Variants in TSHZ2 observed in about 807,000 individuals in gnomAD.
TSHZ2 encodes teashirt zinc finger homeobox 2.
A neutral mutation model predicts 74.4 loss-of-function variants in TSHZ2; 21 were observed. The ratio of observed to expected loss-of-function variants is 0.28; its 90% CI spans 0.20 to 0.41. The LOEUF (loss-of-function observed/expected upper bound fraction) is 0.41. Ranked by LOEUF, TSHZ2 falls within the 10% of genes least tolerant of loss-of-function variation. The probability of loss-of-function intolerance (pLI) is 1.00; values close to 1 mark genes in which losing one functional copy is unlikely to be tolerated. For missense variants in TSHZ2, 1,244 were observed against 1,293.5 expected (o/e 0.96, Z 0.59); for synonymous variants, 540 against 515.3 (o/e 1.05, Z -0.65).
chr20:53,387,403 A>T (rs1439122972), intron 2 of TSHZ2, among the ~76,000 whole-genome samples: 1 of 152,200 alleles, frequency 6.6e-6, no homozygotes, highest in Non-Finnish European at 1.5e-5. Context: ...TTCTTTGAAG[A>T]TGGTTTCCAC....
Position 53,187,996 on chromosome 20 carries a change from G to A in TSHZ2, c.41-65503G>A, listed in dbSNP as rs577617928. On this transcript the variant is annotated intron_variant, in intron 1 of 2. Coordinates refer to ENST00000371497, the MANE Select transcript of TSHZ2 (RefSeq NM_173485.6). ...ATTAGAACCCTCAGAAATGTGGCACGAAGCAAGTCTGGAAGACTTTCTGTT... is the reference window on the plus strand; with the variant it reads ...ATTAGAACCCTCAGAAATGTGGCACAAAGCAAGTCTGGAAGACTTTCTGTT... Among the ~76,000 whole-genome samples the A allele has an allele frequency of 4.6e-5, 7 of 152,192 alleles. No homozygotes were observed. In the South Asian group the frequency reaches 6.2e-4, roughly 14 times the overall value.
chr20:53,321,701 G>GAAAA (rs1555850311), intron 2 of TSHZ2, among the ~76,000 whole-genome samples: 1 of 54,416 alleles, frequency 1.8e-5, no homozygotes, highest in African/African-American at 7.4e-5. Flanking sequence ...AAAAAAAAAA[G>GAAAA]AAAGACATTC....
intron 2 of TSHZ2, among the ~76,000 whole-genome samples, chr20:53,341,747 G>C (rs1400788425): frequency 6.6e-6 from 1 of 152,122 alleles, no homozygotes; most frequent in Non-Finnish European, 1.5e-5. Flanking sequence ...GAGCTGCTCT[G>C]TTGCCCAGGC....
intron 1 of TSHZ2, among the ~76,000 whole-genome samples, chr20:53,236,457 A>T (rs1241750102): frequency 6.6e-6 from 1 of 152,252 alleles, no homozygotes; most frequent in Non-Finnish European, 1.5e-5. Context: ...GTCTAGGAAC[A>T]CACATTGCAT....
chr20:53,253,747 A>C lies in TSHZ2; in HGVS notation c.289A>C (p.Ser97Arg). Residue 97 changes from serine to arginine, a missense_variant, in exon 2 of 3, where the codon AGT becomes CGT. Physicochemically the swap from Ser to Arg is moderately radical, Grantham distance 110. Coordinates refer to ENST00000371497, the MANE Select transcript of TSHZ2 (RefSeq NM_173485.6). ...DASDQVSDIK[S>R]VCGRDASDKK... is the part of the protein sequence containing the mutation. The stretch of plus-strand genomic sequence containing the variant: ...CAGTGATCAGGTGTCGGACATCAAG[A>C]GTGTCTGCGGCAGAGATGCCTCAGA... The C allele has an allele frequency of 6.2e-7, 1 of 1,614,192 alleles. No individual in the cohort carries two copies. Among genetic ancestry groups the C allele is most frequent in the Non-Finnish European group, 8.5e-7 (1 of 1,180,032 alleles).
At chr20:53,040,090 G>T (rs1362801058) in intron 1 of TSHZ2, among the ~76,000 whole-genome samples, 1 of 152,138 alleles carries the variant, frequency 6.6e-6, no homozygotes, top group Non-Finnish European at 1.5e-5. Flanking sequence ...TGGAGACAGA[G>T]CAAGACTCCG....
chr20:52,976,049 G>A lies in TSHZ2; in HGVS notation c.40+2716G>A, dbSNP rs565032276. On this transcript the variant is annotated intron_variant, in intron 1 of 2. Coordinates refer to ENST00000371497, the MANE Select transcript of TSHZ2 (RefSeq NM_173485.6). ...GGATCCGAGCTGAGGCTCTCCCGGA[G>A]CGCTCTTTTTCCCAAGAACTGTTCC... Among the ~76,000 whole-genome samples the A allele has an allele frequency of 1.2e-4, 19 of 152,314 alleles. No homozygotes were observed. The South Asian group carries it at 3.7e-3, about 30-fold the overall frequency.
rs548008804 is a variant in TSHZ2, at chr20:53,291,199, C to T, written c.*8+34628C>T. On this transcript the variant is annotated intron_variant, in intron 2 of 2. Transcript: ENST00000371497. ...AAAAATATCAAGAGCAGGCTGGGAG[C>T]GGTGGCTCACGCCTGTAATCCCAGC... is the stretch of plus-strand genomic sequence containing the variant. Among the ~76,000 whole-genome samples, 10 of 152,154 alleles carry T rather than the reference C, an allele frequency of 6.6e-5. No individual in the cohort carries two copies. In the South Asian group the frequency reaches 1.2e-3, roughly 19 times the overall value.
At chr20:52,998,487 G>A (rs191748798) in intron 1 of TSHZ2, among the ~76,000 whole-genome samples, 2 of 152,206 alleles carry the variant, frequency 1.3e-5, no homozygotes, top group East Asian at 3.9e-4. Flanking sequence ...CCCTCTTCTT[G>A]GTCTAGTTAA....
intron 2 of TSHZ2, among the ~76,000 whole-genome samples, chr20:53,462,953 C>T (rs1409661668): frequency 6.6e-6 from 1 of 152,192 alleles, no homozygotes; most frequent in East Asian, 1.9e-4. Context: ...TGCTGATCAT[C>T]CCCATCTCCC....
In TSHZ2 at chr20:53,392,997, T is replaced by G. The variant is rs113453130; in HGVS notation, c.*9-94147T>G. On this transcript the variant is annotated intron_variant, in intron 2 of 2. Coordinates refer to ENST00000371497, the MANE Select transcript of TSHZ2 (RefSeq NM_173485.6). ...TACCGCATGCACCACCACGCCCAGA[T>G]AGTTTTTGTATTTTTAGTAGAGAGG... 6.1e-3 allele frequency among the ~76,000 whole-genome samples: 926 copies of G among 152,078 alleles called. 9 individuals carry two copies. Among genetic ancestry groups the G allele is most frequent in the African/African-American group, 0.021 (885 of 41,484 alleles).
At chr20:53,331,749 CA>C (rs1485977933) in intron 2 of TSHZ2, among the ~76,000 whole-genome samples, 6 of 131,596 alleles carry the variant, frequency 4.6e-5, no homozygotes, top group African/African-American at 1.8e-4. Context: ...AGGGTTATGA[CA>C]AGCAGAATGT....
chr20:53,014,561 T>TA (rs1480992494), intron 1 of TSHZ2, among the ~76,000 whole-genome samples: 2 of 152,146 alleles, frequency 1.3e-5, no homozygotes, highest in Non-Finnish European at 2.9e-5. Context: ...TCCTAGGCAG[T>TA]GCTCTCTGCC....
intron 1 of TSHZ2, among the ~76,000 whole-genome samples, chr20:53,154,771 G>T (rs1987753245): frequency 6.6e-6 from 1 of 152,122 alleles, no homozygotes; most frequent in Non-Finnish European, 1.5e-5. Context: ...TAGAAGTGTA[G>T]CTCCCTCCAA....
chr20:53,255,294 G>A lies in TSHZ2; in HGVS notation c.1836G>A (p.Lys612=). Residue 612 remains lysine (K), a synonymous_variant, in exon 2 of 3, where the codon AAG becomes AAA. Coordinates refer to ENST00000371497, the MANE Select transcript of TSHZ2 (RefSeq NM_173485.6). The surrounding 1 kb of genome is among the most constrained non-coding windows in gnomAD (Gnocchi z 4.1). ...KESEDKDEAV[K]ECGKESPHEE... ...CAGAAGACAAAGATGAAGCGGTGAA[G>A]GAGTGTGGGAAAGAAAGTCCCCACG... 6.2e-7 allele frequency: 1 copy of A among 1,614,226 alleles called. No homozygotes were observed. The highest frequency in any genetic ancestry group is 8.5e-7 in the Non-Finnish European group (1 of 1,180,032).
chr20:53,479,169 TAAAAAAAA>T (rs71194483), intron 2 of TSHZ2, among the ~76,000 whole-genome samples: 2 of 126,254 alleles, frequency 1.6e-5, no homozygotes, highest in Non-Finnish European at 3.5e-5. Context: ...TGTCTCAATT[TAAAAAAAA>T]AAAAAAAAAA....
intron 2 of TSHZ2, among the ~76,000 whole-genome samples, chr20:53,310,832 T>C (rs777481389): frequency 1.3e-5 from 2 of 152,130 alleles, no homozygotes; most frequent in Non-Finnish European, 2.9e-5. Flanking sequence ...GAAAGTGACA[T>C]CCCATAACCT....
intron 1 of TSHZ2, among the ~76,000 whole-genome samples, chr20:53,089,320 CTTTTTTTT>C (rs5841928): frequency 0.016 from 1,603 of 100,014 alleles, 27 homozygotes; most frequent in South Asian, 0.045. Context: ...ATGGGATTTT[CTTTTTTTT>C]TTTTTTTTTT....
At chr20:53,097,081 G>T (rs1986077257) in intron 1 of TSHZ2, among the ~76,000 whole-genome samples, 1 of 152,144 alleles carries the variant, frequency 6.6e-6, no homozygotes, top group Admixed American at 6.6e-5. Flanking sequence ...CCGCACTGTA[G>T]ATGTCAGTAG....
Sources: allele counts gnomAD v4.1 joint callset (sites outside exome capture counted in the v4.1 genomes callset), GRCh38; gene constraint gnomAD v4.1.1; non-coding constraint Gnocchi (gnomAD v3.1); transcripts MANE v1.5; gene names NCBI Gene and HGNC (gene_info 2026-07-23, HGNC 2026-07-21).